The following SENP6 variants were observed in gnomAD, a reference collection of about 807,000 sequenced individuals.
SENP6 encodes the protein SUMO specific peptidase 6.
SENP6 carries 41 observed loss-of-function variants against 134.5 expected under a neutral mutation model. The ratio of observed to expected loss-of-function variants is 0.30; its 90% CI spans 0.24 to 0.40. The LOEUF is 0.40. SENP6 is among the 10% of genes least tolerant of loss of function. The pLI is 1.00. For synonymous variants in SENP6, 395 were observed against 429.8 expected (o/e 0.92, Z 1.00); for missense variants, 1,248 against 1,312.5 (o/e 0.95, Z 0.76).
intron 7 of SENP6, among the ~76,000 whole-genome samples, chr6:75,653,236 G>T (rs1290222296): frequency 6.6e-6 from 1 of 152,060 alleles, no homozygotes; most frequent in East Asian, 1.9e-4. Context: ...TCTCCATGTT[G>T]GTCAGTCTGG....
At chr6:75,681,933 T>C (rs555684777) in intron 16 of SENP6, among the ~76,000 whole-genome samples, 9 of 151,284 alleles carry the variant, frequency 5.9e-5, no homozygotes, top group Non-Finnish European at 1.3e-4. Flanking sequence ...AATACAAAAC[T>C]GAAATAATGA....
At chr6:75,628,613 G>A (rs1385385359) in intron 3 of SENP6, among the ~76,000 whole-genome samples, 1 of 152,108 alleles carries the variant, frequency 6.6e-6, no homozygotes, top group Non-Finnish European at 1.5e-5. Context: ...ACATATTTAT[G>A]GAGGGAAATT....
At position 75,703,066 on chromosome 6, in the gene SENP6, C is replaced by A. The variant is rs1301424410; in HGVS notation, c.2710C>A (p.His904Asn). 1.3e-6 allele frequency: 2 copies of A among 1,592,622 alleles called. No homozygotes were observed. The highest frequency in any genetic ancestry group is 1.7e-6 in the Non-Finnish European group (2 of 1,169,996). Residue 904 changes from histidine to asparagine, a missense_variant, in exon 19 of 24, where the codon CAT becomes AAT. Around this residue, in one of 3 missense-constraint regions of SENP6, gnomAD observed 386 missense variants for 395.0 expected, o/e 0.98. Transcript: ENST00000447266. ...LQNESLSSTH[H>N]TDGLSKIRLN... ...GAATGAAAGTTTAAGTTCCACACAT[C>A]ATACAGGTATGTATCTAAATGTTTT...
rs1776010927 is a variant in SENP6, at chr6:75,716,170, T to C, written c.*576T>C. The C allele has an allele frequency of 6.6e-6, 1 of 151,972 alleles. No individual in the cohort carries two copies. The highest frequency in any genetic ancestry group is 6.6e-5 in the Admixed American group (1 of 15,248). The allele number at this position is 151,972 out of a possible 1,614,324, so 9.4% of individuals were successfully genotyped here. ...GAACCCAAGAAATGTAATAAATATT[T>C]GTAATTTTACACAAATATTTAAGAG... On this transcript the variant is annotated 3_prime_UTR_variant, in exon 24 of 24. Transcript: ENST00000447266.
intron 1 of SENP6, among the ~76,000 whole-genome samples, chr6:75,617,926 G>A (rs960649691): frequency 2.6e-5 from 4 of 152,138 alleles, no homozygotes; most frequent in South Asian, 2.1e-4. Context: ...TTTGTCTGAT[G>A]TTTTCTTATG....
At chr6:75,612,955 A>G (rs1767569913) in intron 1 of SENP6, among the ~76,000 whole-genome samples, 1 of 152,086 alleles carries the variant, frequency 6.6e-6, no homozygotes, top group African/African-American at 2.4e-5. Flanking sequence ...CACTACTAAA[A>G]ATACAAAAAT....
chr6:75,641,877 C>T (rs1391170196), intron 6 of SENP6, among the ~76,000 whole-genome samples: 1 of 150,068 alleles, frequency 6.7e-6, no homozygotes, highest in Non-Finnish European at 1.5e-5. Flanking sequence ...GAAAGTCCAG[C>T]TATTTTTAAT....
At chr6:75,699,911 G>C (rs985681260) in intron 18 of SENP6, among the ~76,000 whole-genome samples, 5 of 151,986 alleles carry the variant, frequency 3.3e-5, no homozygotes, top group African/African-American at 9.7e-5. Flanking sequence ...ATTTTCTTTT[G>C]TTTTGTTTTG....
Position 75,675,887 on chromosome 6 carries a change from T to C in SENP6, c.1454T>C (p.Ile485Thr), listed in dbSNP as rs776661308. The change falls in exon 13 of 24, where the codon ATA becomes ACA. Residue 485 changes from isoleucine (I) to threonine (T), a missense_variant. Transcript: ENST00000447266. ...CCAGACCATGATCCTGTAGAGATTA[T>C]ATTAAATACCTCTGATCTAACTAAA... Reference protein sequence around the residue: ...DEPDHDPVEIILNTSDLTKCE... With the variant: ...DEPDHDPVEITLNTSDLTKCE... 6.2e-7 allele frequency: 1 copy of C among 1,601,800 alleles called. No homozygotes were observed. Among genetic ancestry groups the C allele is most frequent in the Non-Finnish European group, 8.5e-7 (1 of 1,176,398 alleles).
At position 75,708,982 on chromosome 6, in the gene SENP6, A is replaced by T. The variant is rs566587352; in HGVS notation, c.2717-545A>T. Among the ~76,000 whole-genome samples the T allele has an allele frequency of 7.9e-5, 12 of 152,358 alleles. No individual in the cohort carries two copies. In the East Asian group the frequency reaches 2.3e-3, roughly 29 times the overall value. On this transcript the variant is annotated intron_variant, in intron 19 of 23. Coordinates refer to ENST00000447266, the MANE Select transcript of SENP6 (RefSeq NM_015571.4). ...AAACATGTTGTGATTAGCTTCTTTC[A>T]GCAAAATAGTTGCTTATTATTTGTC...
rs1351545932 is a variant in SENP6, at chr6:75,666,738, GACA to G, written c.1024_1026del (p.Asn342del). ...CATTTTGTCCAGTGATGATGATGAT[GACA>G]ACGACAGAACTAACAGAAGAGAAAG... On this transcript the variant is annotated inframe_deletion, in exon 10 of 24. Coordinates refer to ENST00000447266, the MANE Select transcript of SENP6 (RefSeq NM_015571.4). The G allele has an allele frequency of 1.3e-6, 2 of 1,583,072 alleles. No homozygotes were observed. Among genetic ancestry groups the G allele is most frequent in the Admixed American group, 3.4e-5 (2 of 59,470 alleles).
chr6:75,650,409 C>T (rs1371901539), intron 7 of SENP6, among the ~76,000 whole-genome samples: 1 of 152,180 alleles, frequency 6.6e-6, no homozygotes, highest in Non-Finnish European at 1.5e-5. Flanking sequence ...TTCAAACTTT[C>T]ACCCACTGAT....
At chr6:75,708,786 A>G (rs191422584) in intron 19 of SENP6, among the ~76,000 whole-genome samples, 44 of 152,260 alleles carry the variant, frequency 2.9e-4, no homozygotes, top group African/African-American at 9.6e-4. Context: ...CCAGCTACTC[A>G]GTAGGCTGAG....
Position 75,621,738 on chromosome 6 carries a change from A to T in SENP6, c.146+113A>T, listed in dbSNP as rs536705084. On this transcript the variant is annotated intron_variant, in intron 2 of 23. Transcript: ENST00000447266. ...GAGTATGGTATTCTTAAGAAAACAT[A>T]TAACTCTTTCACAGTCGCTTTAAGG... 30 of 617,902 alleles carry T rather than the reference A, an allele frequency of 4.9e-5. No individual in the cohort carries two copies. The African/African-American group carries it at 5.3e-4, about 11-fold the overall frequency. 38.3% of individuals were successfully genotyped at this position (617,902 alleles called of 1,614,324 possible).
At chr6:75,651,598 C>T (rs879845021) in intron 7 of SENP6, among the ~76,000 whole-genome samples, 6 of 152,208 alleles carry the variant, frequency 3.9e-5, no homozygotes, top group East Asian at 3.9e-4. Context: ...GCGATCTGCT[C>T]GCCTCAGCCT....
At chr6:75,708,107 C>T (rs142549182) in intron 19 of SENP6, among the ~76,000 whole-genome samples, 114 of 152,232 alleles carry the variant, frequency 7.5e-4, no homozygotes, top group African/African-American at 2.3e-3. Context: ...TCACCCAGGT[C>T]GGAGTACAGT....
intron 5 of SENP6, among the ~76,000 whole-genome samples, chr6:75,636,767 C>T (rs142601001): frequency 8.9e-4 from 136 of 152,236 alleles, no homozygotes; most frequent in Non-Finnish European, 1.6e-3. Flanking sequence ...AAGGCTTTAA[C>T]TAAGATTGTT....
intron 11 of SENP6, among the ~76,000 whole-genome samples, chr6:75,672,978 C>T (rs962390713): frequency 6.6e-6 from 1 of 152,060 alleles, no homozygotes; most frequent in Non-Finnish European, 1.5e-5. Flanking sequence ...CAGGCACCGG[C>T]CACCACGTCC....
Position 75,621,519 on chromosome 6 carries a change from GT to G in SENP6, c.53-8del. 6.5e-7 allele frequency: 1 copy of G among 1,535,812 alleles called. No individual in the cohort carries two copies. Among genetic ancestry groups the G allele is most frequent in the Non-Finnish European group, 9.0e-7 (1 of 1,112,282 alleles). On this transcript the variant is annotated splice_polypyrimidine_tract_variant and intron_variant, in intron 1 of 23. Transcript: ENST00000447266. ...TATTAATGAATACTTACTGCAGTTT[GT>G]TTTTATTTCAGCTTTGGCTAGATCA... is the stretch of plus-strand genomic sequence containing the variant.
Sources: allele counts gnomAD v4.1 joint callset (sites outside exome capture counted in the v4.1 genomes callset), GRCh38; gene constraint gnomAD v4.1.1; regional missense constraint gnomAD v4.1.1; transcripts MANE v1.5; gene names NCBI Gene and HGNC (gene_info 2026-07-23, HGNC 2026-07-21).